ANKDD1A: variants seen among roughly 807,000 people sequenced by gnomAD.
ANKDD1A encodes ankyrin repeat and death domain containing 1A.
A neutral mutation model predicts 63.5 loss-of-function variants in ANKDD1A; 59 were observed. The observed-to-expected ratio is 0.93, with a 90% confidence interval of 0.75 to 1.15. ANKDD1A has a LOEUF of 1.15. Ranked by LOEUF, ANKDD1A falls within the 50% of genes most tolerant of loss-of-function variation. ANKDD1A has a pLI of 0.00. For missense variants in ANKDD1A, 632 were observed against 656.4 expected, an observed-to-expected ratio of 0.96 and a Z score of 0.41; for synonymous variants, 266 against 263.9, an observed-to-expected ratio of 1.01 and a Z score of -0.08.
intron 14 of ANKDD1A, among the ~76,000 whole-genome samples, chr15:64,951,973 TCTTC>T (rs1175304385): frequency 2.7e-5 from 4 of 150,602 alleles, no homozygotes; most frequent in South Asian, 4.2e-4. Flanking sequence ...TCTTCTTTCT[TCTTC>T]CTTCTTATTC....
At chr15:64,944,510 A>G in intron 11 of ANKDD1A, 142 bp from the exon 12 acceptor site, 1 of 671,370 alleles carries the variant, frequency 1.5e-6, no homozygotes, top group Non-Finnish European at 2.5e-6. Context: ...TCATGCCCAG[A>G]AAACCAGAAA....
chr15:64,916,009 T>C (rs1004095047), intron 2 of ANKDD1A, 109 bp downstream of exon 2: 1 of 1,081,518 alleles, frequency 9.2e-7, no homozygotes, highest in Non-Finnish European at 1.3e-6. Flanking sequence ...TTTGCATGTG[T>C]AAACTTGGAG....
At chr15:64,947,358 G>T (rs910501021) in intron 12 of ANKDD1A, 46 bp from the exon 13 acceptor site, 1 of 1,586,018 alleles carries the variant, frequency 6.3e-7, no homozygotes, top group African/African-American at 1.3e-5. Context: ...GCCCCTGTCT[G>T]GGATCATGAG....
At chr15:64,924,737 TCTTC>T in intron 4 of ANKDD1A, among the ~76,000 whole-genome samples, 1 of 152,356 alleles carries the variant, frequency 6.6e-6, no homozygotes, top group Admixed American at 6.5e-5. Context: ...ATTTCTTTGT[TCTTC>T]CTTGTTTTCC....
intron 9 of ANKDD1A, among the ~76,000 whole-genome samples, chr15:64,936,286 G>C (rs2140375235): frequency 6.6e-6 from 1 of 152,056 alleles, no homozygotes; most frequent in South Asian, 2.1e-4. Flanking sequence ...ATCACCTCCA[G>C]CTAGAAAGAA....
chr15:64,952,835 TTTC>T (rs1044675109), intron 14 of ANKDD1A, among the ~76,000 whole-genome samples: 5 of 105,910 alleles, frequency 4.7e-5, no homozygotes, highest in Admixed American at 1.1e-4. Flanking sequence ...TCCTTCTTCC[TTTC>T]TTCTCCTTGT....
At chr15:64,921,517 G>A (rs926450462) in intron 3 of ANKDD1A, among the ~76,000 whole-genome samples, 2 of 152,082 alleles carry the variant, frequency 1.3e-5, no homozygotes, top group African/African-American at 4.8e-5. Context: ...TGGGATTACA[G>A]GTGCCCACCA....
chr15:64,936,660 G>A (rs895730530), intron 9 of ANKDD1A, among the ~76,000 whole-genome samples: 4 of 152,012 alleles, frequency 2.6e-5, no homozygotes, highest in African/African-American at 9.7e-5. Flanking sequence ...GCAGCATAGT[G>A]AGACCCCCGT....
In ANKDD1A at chr15:64,934,164, C is replaced by T. The variant is rs1185510561; in HGVS notation, c.797C>T (p.Ala266Val). Reference sequence around the variant, plus strand: ...AACCTAAGCTGCCTTCACTATGCAGCCCTCAGTGGCTCGGAGGATGTGTCT... The same window carrying T: ...AACCTAAGCTGCCTTCACTATGCAGTCCTCAGTGGCTCGGAGGATGTGTCT... ...QKNLSCLHYA[A>V]LSGSEDVSRV... The change falls in exon 9 of 15, where the codon GCC (alanine) becomes GTC (valine). Residue 266 changes from alanine (A) to valine (V), a missense_variant. Physicochemically the swap from Ala to Val is moderately conservative, Grantham distance 64 (BLOSUM62 0). Coordinates refer to ENST00000319580, the MANE Select transcript of ANKDD1A (RefSeq NM_182703.6). The T allele has an allele frequency of 3.7e-6, 6 of 1,612,376 alleles. No homozygotes were observed. The highest frequency in any genetic ancestry group is 1.1e-5 in the South Asian group (1 of 90,498).
intron 8 of ANKDD1A, among the ~76,000 whole-genome samples, chr15:64,933,758 C>T (rs529488917): frequency 6.7e-6 from 1 of 149,964 alleles, no homozygotes; most frequent in African/African-American, 2.5e-5. Context: ...AGGAGAATTA[C>T]TTCAACCTGG....
chr15:64,952,180 CCTT>C (rs1182280072), intron 14 of ANKDD1A, among the ~76,000 whole-genome samples: 2 of 148,002 alleles, frequency 1.4e-5, no homozygotes, highest in African/African-American at 2.5e-5. Context: ...TTTCTTCTTT[CCTT>C]CTACTTTTTC....
Position 64,949,852 on chromosome 15 carries a change from T to TATCA in ANKDD1A, c.1364_1367dup (p.Glu457SerfsTer20), listed in dbSNP as rs1334895172. On this transcript the variant is annotated frameshift_variant, in exon 14 of 15. Transcript: ENST00000319580. LOFTEE classifies it high-confidence loss of function. ...CTCACTGTTCTCAGGCACCAGGAGC[T>TATCA]ATCAGGAGCACGGCCACCGAATGCT... 1 of 1,602,174 alleles carries TATCA rather than the reference T, an allele frequency of 6.2e-7. No homozygotes were observed. The highest frequency in any genetic ancestry group is 1.7e-5 in the Admixed American group (1 of 60,016).
intron 14 of ANKDD1A, chr15:64,950,557 C>T: frequency 1.0e-6 from 1 of 985,324 alleles, no homozygotes; most frequent in Non-Finnish European, 1.2e-6. Context: ...GCTGTGATAC[C>T]CACTGACGTG....
At chr15:64,926,019 G>T (rs1407469781) in intron 4 of ANKDD1A, 47 bp from the exon 5 acceptor site, 1 of 1,550,072 alleles carries the variant, frequency 6.5e-7, no homozygotes, top group South Asian at 1.2e-5. Context: ...TGTGTGAAAA[G>T]GGCCTCCCTT....
Position 64,911,904 on chromosome 15 carries a change from C to T in ANKDD1A, c.-27C>T. On this transcript the variant is annotated 5_prime_UTR_variant, in exon 1 of 15. Transcript: ENST00000319580. The stretch of plus-strand genomic sequence containing the variant: ...CGCGCGCCTCGCGCCCGGGCACCAG[C>T]GCGCGCAGGGGCTGCGGAGCGGCAG... The T allele has an allele frequency of 1.6e-6, 2 of 1,249,264 alleles. No individual in the cohort carries two copies. Among genetic ancestry groups the T allele is most frequent in the Non-Finnish European group, 2.0e-6 (2 of 993,696 alleles). The allele number at this position is 1,249,264 out of a possible 1,614,324, so 77.4% of individuals were successfully genotyped here. A position where few individuals can be genotyped will look rare whatever the true frequency, so the allele number is the denominator to read the frequency against.
chr15:64,931,420 G>T, intron 7 of ANKDD1A, 67 bp from the exon 8 acceptor site: 1 of 1,488,660 alleles, frequency 6.7e-7, no homozygotes. Flanking sequence ...TCCTCTCACC[G>T]TGGGATTGGG....
intron 4 of ANKDD1A, among the ~76,000 whole-genome samples, chr15:64,924,584 A>T: frequency 6.6e-6 from 1 of 152,226 alleles, no homozygotes; most frequent in Middle Eastern, 3.2e-3. Context: ...GCTGCTGTTT[A>T]TGTAGCTCTA....
intron 3 of ANKDD1A, among the ~76,000 whole-genome samples, 154 bp from the exon 4 acceptor site, chr15:64,921,767 T>A (rs2085008101): frequency 6.6e-6 from 1 of 152,174 alleles, no homozygotes; most frequent in South Asian, 2.1e-4. Context: ...AAAAAAAATC[T>A]TGGTCTTTAA....
At chr15:64,950,801 A>G in intron 14 of ANKDD1A, 1 of 1,002,898 alleles carries the variant, frequency 1.0e-6, no homozygotes, top group African/African-American at 1.9e-5. Context: ...CAGGGTAGAG[A>G]GATTAGGGAC....
Sources: gnomAD v4.1 joint callset for allele counts (sites outside exome capture counted in the v4.1 genomes callset) on GRCh38, gnomAD v4.1.1 for gene constraint, MANE v1.5 for transcripts, NCBI Gene and HGNC (gene_info 2026-07-23, HGNC 2026-07-21) for gene names.